Variants in HSD17B14 observed in about 807,000 individuals in gnomAD.
HSD17B14 encodes L-fucose dehydrogenase.
HSD17B14 carries 32 observed loss-of-function variants against 32.2 expected under a neutral mutation model. The observed-to-expected ratio is 0.99, with a 90% CI of 0.75 to 1.33. The LOEUF (loss-of-function observed/expected upper bound fraction) is 1.33. Ranked by LOEUF, HSD17B14 falls within the 40% of genes most tolerant of loss-of-function variation. HSD17B14 has a pLI of 0.00. For missense variants in HSD17B14, 370 were observed against 366.5 expected, an observed-to-expected ratio of 1.01 and a Z score of -0.08; for synonymous variants, 140 against 155.4, an observed-to-expected ratio of 0.90 and a Z score of 0.74.
intron 5 of HSD17B14, among the ~76,000 whole-genome samples, chr19:48,820,484 G>A (rs1417874651): frequency 6.6e-6 from 1 of 151,228 alleles, no homozygotes; most frequent in Non-Finnish European, 1.5e-5. Flanking sequence ...ATAAAAGAAT[G>A]TTGCCTGGCT....
At chr19:48,832,532 C>T (rs1599843454) in intron 4 of HSD17B14, 134 bp downstream of exon 4, 3 of 796,038 alleles carry the variant, frequency 3.8e-6, no homozygotes, top group Non-Finnish European at 4.3e-6. Flanking sequence ...TTGCTTTACT[C>T]TCCTGTCCAA....
Position 48,813,525 on chromosome 19 carries a change from C to A in HSD17B14, c.570G>T (p.Pro190=). 1.2e-6 allele frequency: 2 copies of A among 1,614,084 alleles called. No individual in the cohort carries two copies. Among genetic ancestry groups the A allele is most frequent in the East Asian group, 2.2e-5 (1 of 44,888 alleles). ...TTAAGGCTGCCAGCTCCTCCCACAG[C>A]GGGGTCCAGATGTTTCCTGGGGAGA... The part of the protein sequence containing the change: ...NCISPGNIWT[P]LWEELAALMP... Residue 190 remains proline (P), a synonymous_variant, in exon 8 of 9, where the codon CCG becomes CCT. Transcript: ENST00000263278.
intron 5 of HSD17B14, among the ~76,000 whole-genome samples, chr19:48,822,051 G>C (rs1343173565): frequency 6.6e-6 from 1 of 151,352 alleles, no homozygotes; most frequent in African/African-American, 2.4e-5. Flanking sequence ...TGATTGTGGT[G>C]ATGATGGTGA....
intron 5 of HSD17B14, among the ~76,000 whole-genome samples, chr19:48,815,946 G>A (rs545078869): frequency 7.3e-5 from 11 of 151,294 alleles, no homozygotes; most frequent in African/African-American, 9.7e-5. Context: ...ACTTGAACCC[G>A]GGAGGTGGAG....
At chr19:48,816,938 C>G (rs1437474144) in intron 5 of HSD17B14, among the ~76,000 whole-genome samples, 2 of 151,140 alleles carry the variant, frequency 1.3e-5, no homozygotes, top group Non-Finnish European at 2.9e-5. Context: ...CAGGTTCAAG[C>G]AATTCTCCTG....
intron 5 of HSD17B14, among the ~76,000 whole-genome samples, chr19:48,823,642 TC>T (rs2035195554): frequency 7.9e-6 from 1 of 125,886 alleles, no homozygotes; most frequent in Non-Finnish European, 1.6e-5. Context: ...CTTTTTTCTT[TC>T]TTTTTTTTTT....
At position 48,826,542 on chromosome 19, in the gene HSD17B14, T is replaced by TATATATAC; in HGVS notation, c.369+5125_369+5126insGTATATAT. Among the ~76,000 whole-genome samples, 80 of 80,114 alleles carry TATATATAC rather than the reference T, an allele frequency of 1.0e-3. 2 individuals are homozygous for TATATATAC. The highest frequency in any genetic ancestry group is 9.3e-3 in the East Asian group (20 of 2,158). The allele number at this position is 80,114 out of a possible 152,430, so 52.6% of individuals were successfully genotyped here. A position where few individuals can be genotyped will look rare whatever the true frequency, so the allele number is the denominator to read the frequency against. On this transcript the variant is annotated intron_variant, in intron 5 of 8. Transcript: ENST00000263278. ...GAAAAGAAGAAAATATATATATATA[T>TATATATAC]ACACACACACACACACACACACACA... is the stretch of plus-strand genomic sequence containing the variant.
At position 48,835,831 on chromosome 19, in the gene HSD17B14, G is replaced by A. The variant is rs761379770; in HGVS notation, c.101C>T (p.Ala34Val). Residue 34 changes from alanine to valine, a missense_variant, in exon 2 of 9, where the codon GCC (alanine) becomes GTC (valine). By Grantham distance (64) the Ala-to-Val change is moderately conservative. Coordinates refer to ENST00000263278, the MANE Select transcript of HSD17B14 (RefSeq NM_016246.3). ...GIVRAFVNSG[A>V]RVVICDKDES... ...ATCCTTGTCGCAGATAACCACTCGG[G>A]CCCCGCTGTTCACTGAGAATAGGAA... is the stretch of plus-strand genomic sequence containing the variant. The A allele has an allele frequency of 6.2e-7, 1 of 1,613,564 alleles. No individual in the cohort carries two copies. The highest frequency in any genetic ancestry group is 1.1e-5 in the South Asian group (1 of 91,080).
chr19:48,813,361 G>A lies in HSD17B14; in HGVS notation c.640-13C>T, dbSNP rs777849813. 5 of 1,564,980 alleles carry A rather than the reference G, an allele frequency of 3.2e-6. No homozygotes were observed. Among genetic ancestry groups the A allele is most frequent in the Non-Finnish European group, 3.5e-6 (4 of 1,154,132 alleles). ...TGCGGCCCAGTGGCTGGGGAGAAAA[G>A]AGGGGGGAAGGAGGTCAAGAGGAGC... On this transcript the variant is annotated splice_polypyrimidine_tract_variant and intron_variant, in intron 8 of 8. Transcript: ENST00000263278.
At chr19:48,822,729 T>C (rs1370125868) in intron 5 of HSD17B14, among the ~76,000 whole-genome samples, 2 of 149,436 alleles carry the variant, frequency 1.3e-5, no homozygotes, top group African/African-American at 2.5e-5. Flanking sequence ...GATGCTGTCA[T>C]TGATGGTGAT....
At chr19:48,833,916 G>A (rs2035396002) in intron 3 of HSD17B14, among the ~76,000 whole-genome samples, 1 of 151,530 alleles carries the variant, frequency 6.6e-6, no homozygotes, top group Non-Finnish European at 1.5e-5. Context: ...CTTGAACTCG[G>A]TAGGCTGAGG....
intron 5 of HSD17B14, among the ~76,000 whole-genome samples, chr19:48,819,604 TC>T (rs923803773): frequency 1.3e-5 from 2 of 152,106 alleles, no homozygotes; most frequent in Non-Finnish European, 2.9e-5. Flanking sequence ...CCCTGCCATC[TC>T]TTTCTCCACC....
At chr19:48,826,491 CAAAAAAAA>C (rs747731627) in intron 5 of HSD17B14, among the ~76,000 whole-genome samples, 1 of 41,096 alleles carries the variant, frequency 2.4e-5, no homozygotes, top group Non-Finnish European at 4.2e-5. Flanking sequence ...AAGATTGTCT[CAAAAAAAA>C]AAAAAAAAAA....
At chr19:48,820,188 C>T (rs566188255) in intron 5 of HSD17B14, among the ~76,000 whole-genome samples, 63 of 151,974 alleles carry the variant, frequency 4.1e-4, no homozygotes, top group African/African-American at 1.4e-3. Flanking sequence ...AGAACGTTGC[C>T]TGAGGCTGGG....
Position 48,831,732 on chromosome 19 carries a change from G to A in HSD17B14, c.305C>T (p.Thr102Ile). ...CAGCTGGCGGAATCCCTGGGCAGAG[G>A]TCTCCTCAGGCCTCTGTGGGGGTGG... is the stretch of plus-strand genomic sequence containing the variant. ...HHPPPQRPEETSAQGFRQLLE... is the reference protein window; with the variant it reads ...HHPPPQRPEEISAQGFRQLLE... Residue 102 changes from threonine to isoleucine, a missense_variant, in exon 5 of 9, where the codon ACC (threonine) becomes ATC (isoleucine). Coordinates refer to ENST00000263278, the MANE Select transcript of HSD17B14 (RefSeq NM_016246.3). 1 of 1,613,226 alleles carries A rather than the reference G, an allele frequency of 6.2e-7. No homozygotes were observed. Among genetic ancestry groups the A allele is most frequent in the Non-Finnish European group, 8.5e-7 (1 of 1,179,558 alleles).
chr19:48,834,164 C>G (rs530686660), intron 3 of HSD17B14, 112 bp downstream of exon 3: 1 of 830,110 alleles, frequency 1.2e-6, no homozygotes, highest in African/African-American at 1.7e-5. Flanking sequence ...ACGAGTCCAG[C>G]GGAGCCAGGA....
At chr19:48,834,205 G>A (rs2035405092) in intron 3 of HSD17B14, 71 bp downstream of exon 3, 8 of 1,271,150 alleles carry the variant, frequency 6.3e-6, no homozygotes, top group Non-Finnish European at 9.1e-6. Context: ...AAAGGCATAT[G>A]CAAATGGCTG....
At position 48,835,815 on chromosome 19, in the gene HSD17B14, G is replaced by A. The variant is rs779446545; in HGVS notation, c.117C>T (p.Cys39=). 1.2e-6 allele frequency: 2 copies of A among 1,613,610 alleles called. No homozygotes were observed. The highest frequency in any genetic ancestry group is 2.2e-5 in the South Asian group (2 of 91,076). Residue 39 remains cysteine (C), a synonymous_variant, in exon 2 of 9, where the codon TGC becomes TGT. Coordinates refer to ENST00000263278, the MANE Select transcript of HSD17B14 (RefSeq NM_016246.3). ...GGGACCGTCACTCACCATCCTTGTC[G>A]CAGATAACCACTCGGGCCCCGCTGT... ...FVNSGARVVI[C]DKDESGGRAL... is the part of the protein sequence containing the mutation.
intron 5 of HSD17B14, among the ~76,000 whole-genome samples, chr19:48,820,894 G>A (rs2035135506): frequency 6.6e-6 from 1 of 151,908 alleles, no homozygotes; most frequent in Non-Finnish European, 1.5e-5. Flanking sequence ...AGTAGAGACA[G>A]GTTTTCACCA....
Sources: gnomAD v4.1 joint callset for allele counts (sites outside exome capture counted in the v4.1 genomes callset) on GRCh38, gnomAD v4.1.1 for gene constraint, MANE v1.5 for transcripts, NCBI Gene and HGNC (gene_info 2026-07-23, HGNC 2026-07-21) for gene names.